The following TOP3A variants were observed in gnomAD, a reference collection of about 807,000 sequenced individuals.
TOP3A encodes the protein DNA topoisomerase 3-alpha.
A neutral mutation model predicts 111.3 loss-of-function variants in TOP3A; 64 were observed. The ratio of observed to expected loss-of-function variants is 0.57; its 90% CI spans 0.47 to 0.71. The LOEUF (loss-of-function observed/expected upper bound fraction) is 0.71. Among genes scored for constraint, TOP3A ranks in the 30% least tolerant of loss-of-function variants. The probability of loss-of-function intolerance (pLI) is 0.00; values close to 1 mark genes in which losing one functional copy is unlikely to be tolerated. For synonymous variants in TOP3A, 484 were observed against 485.1 expected, an observed-to-expected ratio of 1.00 and a Z score of 0.03; for missense variants, 1,104 against 1,285.0, an observed-to-expected ratio of 0.86 and a Z score of 2.15.
intron 13 of TOP3A, among the ~76,000 whole-genome samples, chr17:18,286,643 T>C (rs12939259): frequency 0.31 from 46,464 of 152,068 alleles, 7,407 homozygotes; most frequent in African/African-American, 0.35. Context: ...CCTAGTGCCT[T>C]GCTGGTGGAA....
rs758516036 is a variant in TOP3A, at chr17:18,306,893, T to A, written c.388A>T (p.Lys130Ter). The A allele has an allele frequency of 6.2e-7, 1 of 1,609,046 alleles. No individual in the cohort carries two copies. The highest frequency in any genetic ancestry group is 1.1e-5 in the South Asian group (1 of 90,976). Residue 130 changes from lysine to a stop codon, truncating the protein, a stop_gained and splice_region_variant, in exon 4 of 19, where the codon AAG (lysine) becomes TAG (stop). Coordinates refer to ENST00000321105, the MANE Select transcript of TOP3A (RefSeq NM_004618.5). LOFTEE classifies it high-confidence loss of function. ...ATATGTCTTCCAAAAGACCCTACCTTGATGTCTACAAAATTCTCTGGGCAG... is the reference window on the plus strand; with the variant it reads ...ATATGTCTTCCAAAAGACCCTACCTAGATGTCTACAAAATTCTCTGGGCAG... ...KYCPENFVDI[K>*]KTLERETRQC...
At chr17:18,295,748 C>A (rs12946058) in intron 9 of TOP3A, among the ~76,000 whole-genome samples, 2 of 149,200 alleles carry the variant, frequency 1.3e-5, no homozygotes, top group African/African-American at 4.9e-5. Context: ...CGTGAGCCAC[C>A]GCGTCTGGCC....
chr17:18,293,132 C>T (rs1980583594), intron 10 of TOP3A, among the ~76,000 whole-genome samples: 1 of 152,264 alleles, frequency 6.6e-6, no homozygotes. Flanking sequence ...GGGCTTGTCA[C>T]TGGCCACTCT....
intron 13 of TOP3A, among the ~76,000 whole-genome samples, chr17:18,287,834 T>TA (rs373355337): frequency 6.6e-6 from 1 of 151,688 alleles, no homozygotes; most frequent in East Asian, 2.0e-4. Flanking sequence ...CTGTCTCTAC[T>TA]AAAAATAACA....
chr17:18,312,787 A>G, intron 1 of TOP3A: 1 of 203,726 alleles, frequency 4.9e-6, no homozygotes, highest in Admixed American at 4.4e-5. Context: ...AAAGAGGACG[A>G]GGCATCTGAT....
intron 4 of TOP3A, among the ~76,000 whole-genome samples, chr17:18,305,496 GCGCGCGCGCA>G (rs1298006243): frequency 6.9e-5 from 6 of 86,384 alleles, no homozygotes; most frequent in African/African-American, 2.3e-4. Flanking sequence ...ACGCGCGCGC[GCGCGCGCGCA>G]CGCACACTTC....
At chr17:18,289,228 T>G (rs1296064320) in intron 13 of TOP3A, among the ~76,000 whole-genome samples, 5 of 152,234 alleles carry the variant, frequency 3.3e-5, no homozygotes, top group Admixed American at 3.3e-4. Context: ...TTGGCCAGGC[T>G]GGTCTCGAAC....
rs1979858132 is a variant in TOP3A, at chr17:18,282,949, A to C, written c.1878-108T>G. 2.8e-6 allele frequency: 4 copies of C among 1,415,310 alleles called. No homozygotes were observed. In the South Asian group the frequency reaches 5.1e-5, roughly 18 times the overall value. 87.7% of individuals were successfully genotyped at this position (1,415,310 alleles called of 1,614,324 possible). ...GCGTGACCTTGAGAACCAGCTGGTCAGTGAGCCGCAGGCCTCCTGCAGAGA... is the reference window on the plus strand; with the variant it reads ...GCGTGACCTTGAGAACCAGCTGGTCCGTGAGCCGCAGGCCTCCTGCAGAGA... On this transcript the variant is annotated intron_variant, in intron 15 of 18. Transcript: ENST00000321105.
Position 18,278,344 on chromosome 17 carries a change from A to T in TOP3A, c.2158T>A (p.Phe720Ile). Reference sequence around the variant, plus strand: ...GTCGGGGGAAGGCTACCGCGCTTAAACTTTAACTTTAACCTAGTGAGGCCA... The same window carrying T: ...GTCGGGGGAAGGCTACCGCGCTTAATCTTTAACTTTAACCTAGTGAGGCCA... Reference protein sequence around the residue: ...PHPVYRLKLKFKRGSLPPTMP... With the variant: ...PHPVYRLKLKIKRGSLPPTMP... The change falls in exon 18 of 19, where the codon TTT becomes ATT. Residue 720 changes from phenylalanine to isoleucine, a missense_variant. Transcript: ENST00000321105. 6.6e-7 allele frequency: 1 copy of T among 1,512,596 alleles called. No homozygotes were observed. The allele number at this position is 1,512,596 out of a possible 1,614,324, so 93.7% of individuals were successfully genotyped here.
chr17:18,295,145 A>C (rs952987486), intron 9 of TOP3A, among the ~76,000 whole-genome samples: 7 of 151,756 alleles, frequency 4.6e-5, no homozygotes, highest in African/African-American at 1.7e-4. Context: ...TACCATATCC[A>C]GCCCAAACTC....
At chr17:18,306,204 AAAATAAAT>A (rs936362344) in intron 4 of TOP3A, among the ~76,000 whole-genome samples, 1 of 152,228 alleles carries the variant, frequency 6.6e-6, no homozygotes, top group East Asian at 1.9e-4. Flanking sequence ...TTCGTCTCAA[AAAATAAAT>A]AAATAAATAA....
At chr17:18,314,474 G>A in intron 1 of TOP3A, 125 bp downstream of exon 1, 1 of 1,100,562 alleles carries the variant, frequency 9.1e-7, no homozygotes, top group Non-Finnish European at 1.3e-6. Context: ...TAATCCAGAC[G>A]AGGGGCAGTG....
At chr17:18,296,676 C>T (rs1980827815) in intron 9 of TOP3A, among the ~76,000 whole-genome samples, 1 of 152,182 alleles carries the variant, frequency 6.6e-6, no homozygotes, top group Admixed American at 6.5e-5. Flanking sequence ...GACAAAAGAA[C>T]GCACTGACCA....
chr17:18,274,618 G>A lies in TOP3A; in HGVS notation c.*184C>T, dbSNP rs1979213080. On this transcript the variant is annotated 3_prime_UTR_variant, in exon 19 of 19. Transcript: ENST00000321105. Reference sequence around the variant, plus strand: ...CTGGGAAGAGGGTCACTGTCCAGCAGAGCTGGCCTGCTCCAGAGTGATCTG... The same window carrying A: ...CTGGGAAGAGGGTCACTGTCCAGCAAAGCTGGCCTGCTCCAGAGTGATCTG... The A allele has an allele frequency of 3.0e-5, 31 of 1,026,244 alleles. No individual in the cohort carries two copies. The highest frequency in any genetic ancestry group is 3.9e-5 in the Non-Finnish European group (29 of 737,802). 63.6% of individuals were successfully genotyped at this position (1,026,244 alleles called of 1,614,324 possible).
chr17:18,298,707 T>C (rs1355591492), intron 9 of TOP3A, among the ~76,000 whole-genome samples: 3 of 150,666 alleles, frequency 2.0e-5, no homozygotes, highest in Admixed American at 6.6e-5. Context: ...TGTTCTGTAC[T>C]AAGAAAAATT....
intron 17 of TOP3A, 107 bp from the exon 18 acceptor site, chr17:18,278,464 G>A: frequency 9.6e-7 from 1 of 1,042,750 alleles, no homozygotes; most frequent in Non-Finnish European, 1.3e-6. Flanking sequence ...CATTCCTTAT[G>A]CATCAGGAAG....
At chr17:18,302,750 T>G in intron 5 of TOP3A, 27 bp from the exon 6 acceptor site, 1 of 1,598,410 alleles carries the variant, frequency 6.3e-7, no homozygotes, top group Non-Finnish European at 8.6e-7. Context: ...GTTACCAAGG[T>G]CAAAGTCAAA....
intron 1 of TOP3A, among the ~76,000 whole-genome samples, chr17:18,309,711 T>TG: frequency 6.9e-6 from 1 of 144,164 alleles, no homozygotes; most frequent in East Asian, 2.0e-4. Context: ...TAGAAGTTCT[T>TG]TTTTTTTTTT....
In TOP3A at chr17:18,305,234, T is replaced by C. The variant is rs772003409; in HGVS notation, c.391-14A>G. 2 of 1,603,470 alleles carry C rather than the reference T, an allele frequency of 1.2e-6. No homozygotes were observed. Among genetic ancestry groups the C allele is most frequent in the South Asian group, 2.2e-5 (2 of 90,882 alleles). ...TTCCAAAGTTTTCTTAAGTTCGCAG[T>C]GGAATAAGAGTGGTGAGAACAGAAT... On this transcript the variant is annotated splice_polypyrimidine_tract_variant and intron_variant, in intron 4 of 18. Coordinates refer to ENST00000321105, the MANE Select transcript of TOP3A (RefSeq NM_004618.5).
Sources: allele counts gnomAD v4.1 joint callset (sites outside exome capture counted in the v4.1 genomes callset), GRCh38; gene constraint gnomAD v4.1.1; transcripts MANE v1.5; gene names NCBI Gene and HGNC (gene_info 2026-07-23, HGNC 2026-07-21).